The following ZNF100 variants were observed in gnomAD, a reference collection of about 807,000 sequenced individuals.
ZNF100 encodes zinc finger protein 100.
Under a neutral mutation model 15.8 loss-of-function variants are expected in ZNF100, and 12 were observed. The observed-to-expected ratio is 0.76, with a 90% confidence interval of 0.49 to 1.23. The LOEUF is 1.23. Ranked by LOEUF, ZNF100 falls within the 50% of genes most tolerant of loss-of-function variation. ZNF100 has a pLI of 0.00. For missense variants in ZNF100, 670 were observed against 635.6 expected (o/e 1.05, Z -0.58); for synonymous variants, 226 against 214.8 (o/e 1.05, Z -0.45).
chr19:21,733,557 A>G (rs1349800207), intron 4 of ZNF100, among the ~76,000 whole-genome samples: 1 of 152,232 alleles, frequency 6.6e-6, no homozygotes, highest in East Asian at 1.9e-4. Context: ...GAGAAAAGAC[A>G]TATCTACAAG....
rs1439154694 is a variant in ZNF100 at position 21,727,163 on chromosome 19, G to C, written c.1149C>G (p.Tyr383Ter). Residue 383 changes from tyrosine to a stop codon, truncating the protein, a stop_gained, in exon 5 of 5, where the codon TAC becomes TAG. Transcript: ENST00000358296. LOFTEE classifies it low-confidence loss of function (END_TRUNC). ...TATGTTTAGTAAGGTATGAGAATCG[G>C]TAAAAAGCTTTGCCACATTCTTCAC... ...YKCEECGKAF[Y>*]RFSYLTKHKT... 1 of 1,611,360 alleles carries C rather than the reference G, an allele frequency of 6.2e-7. No individual in the cohort carries two copies. Among genetic ancestry groups the C allele is most frequent in the Non-Finnish European group, 8.5e-7 (1 of 1,178,234 alleles).
intron 4 of ZNF100, chr19:21,743,327 G>A (rs2036152293): frequency 6.6e-6 from 1 of 152,264 alleles, no homozygotes; most frequent in Non-Finnish European, 1.5e-5. Flanking sequence ...AATAAATATT[G>A]TTAAAGTGTC....
intron 4 of ZNF100, among the ~76,000 whole-genome samples, chr19:21,737,613 A>C (rs2036032001): frequency 6.6e-6 from 1 of 152,082 alleles, no homozygotes; most frequent in Non-Finnish European, 1.5e-5. Context: ...TATGCACATA[A>C]ACTGGAAAAT....
rs755107167 is a variant in ZNF100 at position 21,726,735 on chromosome 19, A to AGG, written c.1575_1576dup (p.Leu526ProfsTer2). 3.7e-6 allele frequency: 6 copies of AGG among 1,610,974 alleles called. No homozygotes were observed. The highest frequency in any genetic ancestry group is 5.1e-6 in the Non-Finnish European group (6 of 1,178,852). On this transcript the variant is annotated frameshift_variant, in exon 5 of 5. Coordinates refer to ENST00000358296, the MANE Select transcript of ZNF100 (RefSeq NM_173531.4). LOFTEE classifies it low-confidence loss of function (END_TRUNC). ...TGAGTTATTTTGTTTAATAAGGCTT[A>AGG]GGGACTGGTTAAAGTCTTTACCACA... is the stretch of plus-strand genomic sequence containing the variant.
chr19:21,749,313 A>C (rs1355147245), intron 2 of ZNF100, among the ~76,000 whole-genome samples: 1 of 151,524 alleles, frequency 6.6e-6, no homozygotes, highest in African/African-American at 2.4e-5. Context: ...AAACAGAATG[A>C]CTCATTTCTC....
intron 1 of ZNF100, among the ~76,000 whole-genome samples, chr19:21,766,816 A>AC (rs2036570931): frequency 6.6e-6 from 1 of 151,970 alleles, no homozygotes; most frequent in African/African-American, 2.4e-5. Context: ...ACGAGGTGAA[A>AC]CCCCGTCCCA....
Position 21,765,750 on chromosome 19 carries a change from C to T in ZNF100, c.40G>A (p.Ala14Thr), listed in dbSNP as rs2145752364. 6.2e-7 allele frequency: 1 copy of T among 1,614,182 alleles called. No homozygotes were observed. Among genetic ancestry groups the T allele is most frequent in the East Asian group, 2.2e-5 (1 of 44,870 alleles). Reference protein sequence around the residue: ...PRYGMCPLKGASGCPGAERSL... With the variant: ...PRYGMCPLKGTSGCPGAERSL... ...CTCTCAGCCCCAGGGCATCCACTTGCTCCCTTGAGAGGACACATTCCATAC... is the reference window on the plus strand; with the variant it reads ...CTCTCAGCCCCAGGGCATCCACTTGTTCCCTTGAGAGGACACATTCCATAC... The change falls in exon 2 of 5, where the codon GCA becomes ACA. Residue 14 changes from alanine (A) to threonine (T), a missense_variant. Coordinates refer to ENST00000358296, the MANE Select transcript of ZNF100 (RefSeq NM_173531.4).
intron 4 of ZNF100, among the ~76,000 whole-genome samples, chr19:21,742,689 C>G (rs4507033): frequency 0.05 from 7,602 of 151,980 alleles, 200 homozygotes; most frequent in African/African-American, 0.073. Context: ...AAATAAGTTA[C>G]TTTTTGTGGA....
intron 4 of ZNF100, 47 bp from the exon 5 acceptor site, chr19:21,728,036 T>G (rs769405137): frequency 4.6e-5 from 65 of 1,421,762 alleles, no homozygotes; most frequent in Non-Finnish European, 5.7e-5. Flanking sequence ...TAGACACAGA[T>G]AGTTTACAAA....
At chr19:21,756,940 C>A (rs1175940886) in intron 2 of ZNF100, among the ~76,000 whole-genome samples, 1 of 152,290 alleles carries the variant, frequency 6.6e-6, no homozygotes, top group East Asian at 1.9e-4. Context: ...TGCCACACAC[C>A]TCCAACTATC....
intron 4 of ZNF100, among the ~76,000 whole-genome samples, chr19:21,738,326 G>A (rs1251447873): frequency 3.1e-5 from 4 of 127,772 alleles, no homozygotes; most frequent in Non-Finnish European, 4.9e-5. Flanking sequence ...TAAAATTAAT[G>A]TGGAACCCAA....
At chr19:21,766,898 C>A (rs2036572290) in intron 1 of ZNF100, among the ~76,000 whole-genome samples, 1 of 152,076 alleles carries the variant, frequency 6.6e-6, no homozygotes, top group South Asian at 2.1e-4. Flanking sequence ...GGAGGCTGAG[C>A]CAGGAGAATC....
chr19:21,725,734 CTACTTT>C lies in ZNF100; in HGVS notation c.*943_*948del, dbSNP rs1362783434. ...TGAATGCAATAACTGCAAAAAATTT[CTACTTT>C]TAAAGTTATATACAAATATTTTACC... On this transcript the variant is annotated 3_prime_UTR_variant, in exon 5 of 5. Coordinates refer to ENST00000358296, the MANE Select transcript of ZNF100 (RefSeq NM_173531.4). 6.6e-6 allele frequency: 1 copy of C among 152,050 alleles called. No individual in the cohort carries two copies. Among genetic ancestry groups the C allele is most frequent in the African/African-American group, 2.4e-5 (1 of 41,428 alleles). 9.4% of individuals were successfully genotyped at this position (152,050 alleles called of 1,614,324 possible). A position where few individuals can be genotyped will look rare whatever the true frequency, so the allele number is the denominator to read the frequency against.
chr19:21,729,631 T>C (rs1186848526), intron 4 of ZNF100, among the ~76,000 whole-genome samples: 2 of 151,988 alleles, frequency 1.3e-5, no homozygotes. Flanking sequence ...AATACATTAC[T>C]TTCTGGGAAA....
intron 4 of ZNF100, among the ~76,000 whole-genome samples, chr19:21,729,857 A>C (rs1414446650): frequency 1.3e-5 from 2 of 152,072 alleles, no homozygotes; most frequent in Non-Finnish European, 2.9e-5. Context: ...GGGGAGAAGT[A>C]ATGAGAAAAA....
chr19:21,744,040 T>C lies in ZNF100; in HGVS notation c.299A>G (p.His100Arg), dbSNP rs755515213. The part of the protein sequence containing the change: ...QGKEPWNIKR[H>R]EMVAKPPVIC... ...ACCTGGGGGTTTGGCTACCATCTCA[T>C]GTCTCTTTATATTCCAGGGCTCTTT... Residue 100 changes from histidine (H) to arginine (R), a missense_variant, in exon 4 of 5, where the codon CAT (histidine) becomes CGT (arginine). Physicochemically the swap from His to Arg is conservative, Grantham distance 29 (BLOSUM62 0). Coordinates refer to ENST00000358296, the MANE Select transcript of ZNF100 (RefSeq NM_173531.4). 9 of 1,612,756 alleles carry C rather than the reference T, an allele frequency of 5.6e-6. No homozygotes were observed. The highest frequency in any genetic ancestry group is 2.2e-5 in the East Asian group (1 of 44,834).
At chr19:21,765,552 GC>G (rs1233258626) in intron 2 of ZNF100, 141 bp downstream of exon 2, 14 of 641,906 alleles carry the variant, frequency 2.2e-5, no homozygotes, top group Non-Finnish European at 3.1e-5. Context: ...CTATTTTTCT[GC>G]CCCCCTTAGA....
intron 2 of ZNF100, among the ~76,000 whole-genome samples, chr19:21,748,797 T>C (rs561916099): frequency 6.6e-6 from 1 of 152,300 alleles, no homozygotes; most frequent in African/African-American, 2.4e-5. Flanking sequence ...CTCTACCTCC[T>C]GGGTTCAAGT....
At chr19:21,728,052 C>T (rs1349990132) in intron 4 of ZNF100, 63 bp from the exon 5 acceptor site, 3 of 1,379,706 alleles carry the variant, frequency 2.2e-6, no homozygotes, top group East Asian at 2.6e-5. Flanking sequence ...ACAAATCTAA[C>T]CTCTAATATA....
Sources: gnomAD v4.1 joint callset for allele counts (sites outside exome capture counted in the v4.1 genomes callset) on GRCh38, gnomAD v4.1.1 for gene constraint, MANE v1.5 for transcripts, NCBI Gene and HGNC (gene_info 2026-07-23, HGNC 2026-07-21) for gene names.